The following DPYD variants were observed in gnomAD, a reference collection of about 807,000 sequenced individuals.
DPYD encodes dihydropyrimidine dehydrogenase.
In DPYD, 109 loss-of-function variants were observed where a neutral mutation model predicts 116.2. The observed-to-expected ratio is 0.94, with a 90% confidence interval of 0.80 to 1.10. The LOEUF is 1.10. Ranked by LOEUF, DPYD falls within the 50% of genes least tolerant of loss-of-function variation. The pLI, the probability that DPYD is intolerant of heterozygous loss-of-function variation, is 0.00. For synonymous variants in DPYD, 440 were observed against 432.0 expected, an observed-to-expected ratio of 1.02 and a Z score of -0.23; for missense variants, 1,302 against 1,254.5, an observed-to-expected ratio of 1.04 and a Z score of -0.57.
intron 3 of DPYD, among the ~76,000 whole-genome samples, chr1:97,766,633 G>A (rs977598588): frequency 1.3e-5 from 2 of 152,138 alleles, no homozygotes; most frequent in Non-Finnish European, 2.9e-5. Context: ...AAGGGGAAGG[G>A]TGCTTCTAGA....
At chr1:97,604,755 T>C (rs1413332113) in intron 8 of DPYD, among the ~76,000 whole-genome samples, 1 of 152,126 alleles carries the variant, frequency 6.6e-6, no homozygotes, top group Non-Finnish European at 1.5e-5. Context: ...AAGGGCATTC[T>C]TGATGGATGC....
chr1:97,868,915 A>G (rs1671527529), intron 2 of DPYD, among the ~76,000 whole-genome samples: 1 of 151,792 alleles, frequency 6.6e-6, no homozygotes, highest in East Asian at 1.9e-4. Context: ...TTAAGCCAAT[A>G]AAAAGAGTCT....
At chr1:97,230,866 C>T (rs1196796243) in intron 19 of DPYD, among the ~76,000 whole-genome samples, 1 of 152,104 alleles carries the variant, frequency 6.6e-6, no homozygotes, top group East Asian at 1.9e-4. Flanking sequence ...AAAGGTCTTG[C>T]CCCAGGACTG....
chr1:97,916,558 G>T (rs6692580), intron 1 of DPYD, among the ~76,000 whole-genome samples: 108,578 of 151,436 alleles, frequency 0.72, 39,486 homozygotes, highest in East Asian at 0.93. Flanking sequence ...AACAAAGGAG[G>T]CTACCAAATT....
intron 19 of DPYD, among the ~76,000 whole-genome samples, chr1:97,199,329 C>T (rs1240661187): frequency 6.6e-6 from 1 of 152,002 alleles, no homozygotes; most frequent in Non-Finnish European, 1.5e-5. Context: ...TGAGAGCATG[C>T]ACACAGAAGT....
At chr1:97,545,315 T>A (rs1650756283) in intron 12 of DPYD, among the ~76,000 whole-genome samples, 2 of 152,180 alleles carry the variant, frequency 1.3e-5, no homozygotes, top group Admixed American at 1.3e-4. Flanking sequence ...TATAAATAAA[T>A]GTCAGTTTCC....
At chr1:97,694,629 A>T (rs899391845) in intron 6 of DPYD, among the ~76,000 whole-genome samples, 8 of 152,152 alleles carry the variant, frequency 5.3e-5, no homozygotes, top group Non-Finnish European at 8.8e-5. Flanking sequence ...ACCCCATTTT[A>T]TGAGTTGCTC....
At chr1:97,751,345 CATATATACATAT>C (rs1664866891) in intron 3 of DPYD, among the ~76,000 whole-genome samples, 1 of 142,420 alleles carries the variant, frequency 7.0e-6, no homozygotes, top group African/African-American at 2.6e-5. Context: ...TATATCTATA[CATATATACATAT>C]ATATAAACAC....
intron 16 of DPYD, among the ~76,000 whole-genome samples, chr1:97,313,225 A>C (rs979157064): frequency 1.3e-5 from 2 of 151,968 alleles, no homozygotes; most frequent in Non-Finnish European, 2.9e-5. Flanking sequence ...TAGAGCCTAC[A>C]CCACACAAAT....
At chr1:97,109,170 G>C (rs528348246) in intron 20 of DPYD, among the ~76,000 whole-genome samples, 2 of 152,108 alleles carry the variant, frequency 1.3e-5, no homozygotes, top group African/African-American at 2.4e-5. Flanking sequence ...ACAGACAGCT[G>C]TTACTATTTT....
At chr1:97,590,323 T>C (rs1006824977) in intron 10 of DPYD, among the ~76,000 whole-genome samples, 1 of 152,228 alleles carries the variant, frequency 6.6e-6, no homozygotes, top group African/African-American at 2.4e-5. Flanking sequence ...AAAGGCCTAC[T>C]GTTATAATAT....
At chr1:97,484,326 A>C (rs12731596) in intron 13 of DPYD, among the ~76,000 whole-genome samples, 1 of 152,022 alleles carries the variant, frequency 6.6e-6, no homozygotes, top group African/African-American at 2.4e-5. Flanking sequence ...AAAAACAAAA[A>C]CAAAAAAATT....
intron 16 of DPYD, among the ~76,000 whole-genome samples, chr1:97,345,776 A>G (rs1457022970): frequency 6.6e-6 from 1 of 151,962 alleles, no homozygotes; most frequent in Non-Finnish European, 1.5e-5. Flanking sequence ...GATAACATAT[A>G]GTATGCATAG....
At chr1:97,540,496 G>C (rs553435685) in intron 12 of DPYD, among the ~76,000 whole-genome samples, 4 of 152,322 alleles carry the variant, frequency 2.6e-5, no homozygotes, top group African/African-American at 9.6e-5. Context: ...AGGGCCCCCA[G>C]AGCAGAAGCT....
chr1:97,251,886 A>G (rs1663124788), intron 18 of DPYD, among the ~76,000 whole-genome samples: 1 of 152,140 alleles, frequency 6.6e-6, no homozygotes, highest in East Asian at 1.9e-4. Flanking sequence ...GCTAAGTGAG[A>G]CCCCAGAGCC....
At chr1:97,563,969 C>A (rs1367489829) in intron 11 of DPYD, among the ~76,000 whole-genome samples, 1 of 150,672 alleles carries the variant, frequency 6.6e-6, no homozygotes, top group Non-Finnish European at 1.5e-5. Flanking sequence ...GATGATAAAT[C>A]TTTCAACCAA....
At chr1:97,391,164 C>T (rs1672682023) in intron 14 of DPYD, among the ~76,000 whole-genome samples, 1 of 150,934 alleles carries the variant, frequency 6.6e-6, no homozygotes, top group African/African-American at 2.4e-5. Flanking sequence ...ATTCACTAGA[C>T]ATCATATTCG....
chr1:97,730,866 T>C (rs1381459795), intron 4 of DPYD, among the ~76,000 whole-genome samples: 4 of 151,954 alleles, frequency 2.6e-5, no homozygotes, highest in Non-Finnish European at 5.9e-5. Flanking sequence ...ATGTCAAAGC[T>C]AGTCATCATT....
chr1:97,606,559 G>A (rs915354461), intron 8 of DPYD, among the ~76,000 whole-genome samples: 7 of 151,802 alleles, frequency 4.6e-5, no homozygotes, highest in African/African-American at 1.7e-4. Flanking sequence ...CAACAACTGG[G>A]GTATGATGAG....
Sources: gnomAD v4.1 joint callset for allele counts (sites outside exome capture counted in the v4.1 genomes callset) on GRCh38, gnomAD v4.1.1 for gene constraint, MANE v1.5 for transcripts, NCBI Gene and HGNC (gene_info 2026-07-23, HGNC 2026-07-21) for gene names.